The following NYAP2 variants were observed in gnomAD, a reference collection of about 807,000 sequenced individuals.
NYAP2 encodes neuronal tyrosine-phosphorylated phosphoinositide-3-kinase adapter 2.
In NYAP2, 23 loss-of-function variants were observed where a neutral mutation model predicts 50.4. The observed-to-expected ratio is 0.46, with a 90% CI of 0.33 to 0.65. NYAP2 has a LOEUF of 0.65. Among genes scored for constraint, NYAP2 ranks in the 30% least tolerant of loss-of-function variants. The probability of loss-of-function intolerance (pLI) is 0.02; values close to 1 mark genes in which losing one functional copy is unlikely to be tolerated. For synonymous variants in NYAP2, 394 were observed against 365.2 expected (o/e 1.08, Z -0.90); for missense variants, 885 against 861.0 (o/e 1.03, Z -0.35).
chr2:225,699,407 C>T, the NYAP2 span: 1 of 151,932 alleles, frequency 6.6e-6, no homozygotes, highest in Non-Finnish European at 1.5e-5. Context: ...GAATTAATAG[C>T]TCAAGAGCAT....
At chr2:225,441,646 G>T (rs886576757) in intron 3 of NYAP2, among the ~76,000 whole-genome samples, 1 of 152,086 alleles carries the variant, frequency 6.6e-6, no homozygotes, top group Non-Finnish European at 1.5e-5. Context: ...AGGGGAATCT[G>T]CCCCTTTTAA....
chr2:225,444,008 A>C (rs1689512748), intron 3 of NYAP2, among the ~76,000 whole-genome samples: 1 of 152,204 alleles, frequency 6.6e-6, no homozygotes, highest in African/African-American at 2.4e-5. Context: ...GCTGCTACTT[A>C]GATTCAAATG....
At chr2:225,489,751 G>C (rs1473116725) in intron 3 of NYAP2, among the ~76,000 whole-genome samples, 1 of 152,166 alleles carries the variant, frequency 6.6e-6, no homozygotes, top group African/African-American at 2.4e-5. Flanking sequence ...ACAGTGCAAG[G>C]ATTCTCAACC....
At chr2:225,612,160 T>G (rs1343391656) in intron 5 of NYAP2, among the ~76,000 whole-genome samples, 4 of 148,900 alleles carry the variant, frequency 2.7e-5, no homozygotes, top group Non-Finnish European at 4.4e-5. Flanking sequence ...TTTATGACTG[T>G]CTATTGAAGT....
rs563650514 is a variant in NYAP2, at chr2:225,582,966, C to G, written c.1549C>G (p.Leu517Val). ...GAGCCCGCTGGAGGAGCTGACCAGC[C>G]TCTTCTCCTCCGGCCGCAGCCTGCT... The change falls in exon 5 of 7, where the codon CTC (leucine) becomes GTC (valine). Residue 517 changes from leucine to valine, a missense_variant. Physicochemically the swap from Leu to Val is conservative, Grantham distance 32. Transcript: ENST00000636099. The surrounding 1 kb of genome is among the most constrained non-coding windows in gnomAD (Gnocchi z 7.0). The G allele has an allele frequency of 1.2e-6, 2 of 1,612,408 alleles. No individual in the cohort carries two copies. The highest frequency in any genetic ancestry group is 1.7e-6 in the Non-Finnish European group (2 of 1,179,722).
intron 6 of NYAP2, among the ~76,000 whole-genome samples, chr2:225,634,293 C>T (rs1693373866): frequency 6.6e-6 from 1 of 152,100 alleles, no homozygotes; most frequent in South Asian, 2.1e-4. Context: ...ATGGTTTTAA[C>T]CTTCAAAATA....
the NYAP2 span, among the ~76,000 whole-genome samples, chr2:225,691,175 C>T: frequency 6.6e-6 from 1 of 151,672 alleles, no homozygotes; most frequent in Non-Finnish European, 1.5e-5. Context: ...TTTCATCTTA[C>T]ATGATAGTTC....
At chr2:225,485,278 G>A (rs994311246) in intron 3 of NYAP2, among the ~76,000 whole-genome samples, 1 of 152,158 alleles carries the variant, frequency 6.6e-6, no homozygotes, top group South Asian at 2.1e-4. Flanking sequence ...TGCCATGATT[G>A]TGAGACCTCC....
At chr2:225,465,474 TG>T (rs1349807106) in intron 3 of NYAP2, among the ~76,000 whole-genome samples, 2 of 152,122 alleles carry the variant, frequency 1.3e-5, no homozygotes, top group Non-Finnish European at 2.9e-5. Flanking sequence ...CACAGCACTT[TG>T]GGAGGCCGAG....
chr2:225,442,898 T>A (rs1689493148), intron 3 of NYAP2, among the ~76,000 whole-genome samples: 3 of 152,120 alleles, frequency 2.0e-5, no homozygotes. Context: ...TTTAATGGAC[T>A]CATAGTTCCA....
the NYAP2 span, among the ~76,000 whole-genome samples, chr2:225,680,996 C>A: frequency 2.0e-5 from 3 of 152,202 alleles, no homozygotes; most frequent in African/African-American, 4.8e-5. Context: ...TTTCCTCACA[C>A]TCTGTGTGTG....
chr2:225,435,606 T>A (rs1689363522), intron 3 of NYAP2, among the ~76,000 whole-genome samples: 1 of 152,242 alleles, frequency 6.6e-6, no homozygotes, highest in African/African-American at 2.4e-5. Context: ...TCCTAATTAT[T>A]AAAATGCTTA....
chr2:225,689,382 A>C, the NYAP2 span, among the ~76,000 whole-genome samples: 6 of 152,340 alleles, frequency 3.9e-5, no homozygotes, highest in African/African-American at 1.2e-4. Flanking sequence ...GCCCAGATAC[A>C]TAAAAATAAA....
intron 4 of NYAP2, among the ~76,000 whole-genome samples, chr2:225,551,646 C>A (rs779027156): frequency 3.3e-5 from 5 of 151,886 alleles, no homozygotes; most frequent in Non-Finnish European, 7.4e-5. Context: ...AGAGATCAAC[C>A]CATCAAAATA....
At chr2:225,476,274 G>C (rs948395216) in intron 3 of NYAP2, among the ~76,000 whole-genome samples, 4 of 152,090 alleles carry the variant, frequency 2.6e-5, no homozygotes, top group Non-Finnish European at 5.9e-5. Context: ...TTAGCCAGGC[G>C]TAGTGATGGG....
chr2:225,568,381 C>T (rs1310807678), intron 4 of NYAP2, among the ~76,000 whole-genome samples: 1 of 152,088 alleles, frequency 6.6e-6, no homozygotes, highest in African/African-American at 2.4e-5. Flanking sequence ...CCACTCTCAC[C>T]ACTCTCCTTT....
chr2:225,560,517 C>T (rs1384139028), intron 4 of NYAP2, among the ~76,000 whole-genome samples: 2 of 152,110 alleles, frequency 1.3e-5, no homozygotes, highest in Non-Finnish European at 1.5e-5. Context: ...CCCACCTAAA[C>T]AGCTTGGCTT....
chr2:225,564,687 A>T (rs1030690578), intron 4 of NYAP2, among the ~76,000 whole-genome samples: 9 of 126,924 alleles, frequency 7.1e-5, no homozygotes, highest in Admixed American at 2.4e-4. Flanking sequence ...CATAAATATA[A>T]AAAAAAAAAA....
At chr2:225,597,691 G>A (rs1692630041) in intron 5 of NYAP2, among the ~76,000 whole-genome samples, 3 of 150,338 alleles carry the variant, frequency 2.0e-5, no homozygotes, top group Admixed American at 1.3e-4. Context: ...TGGGAATGCT[G>A]GATCAAATAA....
Sources: gnomAD v4.1 joint callset for allele counts (sites outside exome capture counted in the v4.1 genomes callset) on GRCh38, gnomAD v4.1.1 for gene constraint, Gnocchi (gnomAD v3.1) non-coding constraint, MANE v1.5 for transcripts, NCBI Gene and HGNC (gene_info 2026-07-23, HGNC 2026-07-21) for gene names.